IARS1: variants seen among roughly 807,000 people sequenced by gnomAD.
IARS1 encodes the protein isoleucyl-tRNA synthetase 1.
IARS1 carries 124 observed loss-of-function variants against 168.2 expected under a neutral mutation model. That is an observed-to-expected ratio of 0.74 (90% CI 0.64 to 0.86). The LOEUF (loss-of-function observed/expected upper bound fraction) is 0.86. Among genes scored for constraint, IARS1 ranks in the 40% least tolerant of loss-of-function variants. The probability of loss-of-function intolerance (pLI) is 0.00; values close to 1 mark genes in which losing one functional copy is unlikely to be tolerated. For missense variants in IARS1, 1,452 were observed against 1,515.8 expected (o/e 0.96, Z 0.70); for synonymous variants, 532 against 529.4 (o/e 1.00, Z -0.07).
intron 31 of IARS1, among the ~76,000 whole-genome samples, chr9:92,228,462 G>A (rs77241686): frequency 0.031 from 4,663 of 152,146 alleles, 109 homozygotes; most frequent in South Asian, 0.079. Flanking sequence ...CTGGAATCTC[G>A]GCACTTTGGG....
intron 6 of IARS1, among the ~76,000 whole-genome samples, chr9:92,282,407 T>C (rs548055199): frequency 2.0e-5 from 3 of 152,028 alleles, no homozygotes; most frequent in Admixed American, 1.3e-4. Context: ...GGTTCAAGCA[T>C]TCTCCTGCCT....
chr9:92,234,408 A>G (rs1340731810), intron 30 of IARS1, among the ~76,000 whole-genome samples: 1 of 152,250 alleles, frequency 6.6e-6, no homozygotes, highest in East Asian at 1.9e-4. Flanking sequence ...CAGACGACCA[A>G]GCTGTGGCTG....
intron 26 of IARS1, 134 bp from the exon 27 acceptor site, chr9:92,245,205 T>C: frequency 1.5e-6 from 1 of 685,560 alleles, no homozygotes; most frequent in Non-Finnish European, 2.6e-6. Flanking sequence ...ATCATTTCCC[T>C]CTGACTCATG....
intron 7 of IARS1, 111 bp downstream of exon 7, chr9:92,280,635 G>C (rs3736835): frequency 0.59 from 352,245 of 596,090 alleles, 108,559 homozygotes; most frequent in African/African-American, 0.91. Context: ...AAGTCAGATT[G>C]TTTTCAAATA....
intron 6 of IARS1, 78 bp from the exon 7 acceptor site, chr9:92,280,971 G>C: frequency 1.1e-6 from 1 of 935,986 alleles, no homozygotes; most frequent in Non-Finnish European, 1.6e-6. Flanking sequence ...TACTCCTAAA[G>C]AGGAATAAAA....
At chr9:92,227,495 C>T (rs1251592380) in intron 31 of IARS1, among the ~76,000 whole-genome samples, 6 of 149,254 alleles carry the variant, frequency 4.0e-5, no homozygotes, top group African/African-American at 1.5e-4. Context: ...CTCCTCACTT[C>T]CCAGTAGGGG....
chr9:92,285,855 G>C lies in IARS1; in HGVS notation c.480-16C>G. The C allele has an allele frequency of 7.2e-7, 1 of 1,381,022 alleles. No individual in the cohort carries two copies. Among genetic ancestry groups the C allele is most frequent in the Middle Eastern group, 1.8e-4 (1 of 5,566 alleles). The allele number at this position is 1,381,022 out of a possible 1,614,324, so 85.5% of individuals were successfully genotyped here. On this transcript the variant is annotated splice_polypyrimidine_tract_variant and intron_variant, in intron 5 of 33. Transcript: ENST00000443024. The stretch of plus-strand genomic sequence containing the variant: ...GAAGACCCACCTGGTAAGAGATGGA[G>C]TTTCACAATTACAGAACAAAATTCT...
At chr9:92,217,731 T>G (rs1043091966) in intron 33 of IARS1, among the ~76,000 whole-genome samples, 4 of 152,084 alleles carry the variant, frequency 2.6e-5, no homozygotes, top group Non-Finnish European at 5.9e-5. Flanking sequence ...CAGGAAGAAG[T>G]TGAATCTCTG....
intron 30 of IARS1, among the ~76,000 whole-genome samples, chr9:92,230,198 C>T (rs974075417): frequency 6.6e-6 from 1 of 152,012 alleles, no homozygotes; most frequent in Non-Finnish European, 1.5e-5. Flanking sequence ...GCAACCTCTG[C>T]CTCCTGGATT....
At chr9:92,252,993 G>T (rs1830233370) in intron 21 of IARS1, among the ~76,000 whole-genome samples, 1 of 151,962 alleles carries the variant, frequency 6.6e-6, no homozygotes, top group Non-Finnish European at 1.5e-5. Flanking sequence ...CCTTGTGGTA[G>T]AAGGAAGTAC....
At chr9:92,253,260 G>C (rs1830267734) in intron 21 of IARS1, 102 bp downstream of exon 21, 1 of 738,824 alleles carries the variant, frequency 1.4e-6, no homozygotes, top group Non-Finnish European at 2.4e-6. Context: ...CAAAAACGGA[G>C]AGCAACTGAA....
intron 31 of IARS1, among the ~76,000 whole-genome samples, chr9:92,225,997 T>C (rs1244020182): frequency 6.6e-6 from 1 of 152,236 alleles, no homozygotes; most frequent in Admixed American, 6.5e-5. Flanking sequence ...GCAAGGCACC[T>C]GTCAGTGTGG....
intron 11 of IARS1, 143 bp from the exon 12 acceptor site, chr9:92,271,219 A>G: frequency 1.7e-6 from 1 of 605,782 alleles, no homozygotes; most frequent in Non-Finnish European, 2.7e-6. Flanking sequence ...AACTTTAAGT[A>G]ATTTTCAAGT....
rs555318265 is a variant in IARS1 at position 92,251,601 on chromosome 9, G to T, written c.2307+207C>A. 3.3e-5 allele frequency among the ~76,000 whole-genome samples: 5 copies of T among 152,306 alleles called. No individual in the cohort carries two copies. The South Asian group carries it at 8.3e-4, about 25-fold the overall frequency. On this transcript the variant is annotated intron_variant, in intron 22 of 33. Transcript: ENST00000443024. ...TTGTACTGCCAGAGACTGTAAGAAA[G>T]AATCTAGTATTTCTTAGTCCTTACT... is the stretch of plus-strand genomic sequence containing the variant.
intron 30 of IARS1, among the ~76,000 whole-genome samples, chr9:92,231,414 CTTTTTTT>C (rs869062848): frequency 5.9e-5 from 8 of 135,120 alleles, no homozygotes; most frequent in East Asian, 2.1e-4. Context: ...TTATTTTTTT[CTTTTTTT>C]TTTTTTTTTG....
At chr9:92,220,064 T>A (rs1396762051) in intron 33 of IARS1, among the ~76,000 whole-genome samples, 1 of 146,054 alleles carries the variant, frequency 6.8e-6, no homozygotes, top group African/African-American at 2.6e-5. Flanking sequence ...GTGGCACATA[T>A]ACAACATGGA....
chr9:92,234,107 T>G (rs1439811627), intron 30 of IARS1, among the ~76,000 whole-genome samples: 2 of 152,206 alleles, frequency 1.3e-5, no homozygotes, highest in Non-Finnish European at 2.9e-5. Context: ...ATTTTTAATT[T>G]CATTGCCCAC....
chr9:92,261,930 G>A (rs1472891146), intron 17 of IARS1, among the ~76,000 whole-genome samples: 1 of 151,984 alleles, frequency 6.6e-6, no homozygotes, highest in African/African-American at 2.4e-5. Context: ...TGTATTTTTA[G>A]TAGAGACGGG....
intron 1 of IARS1, 35 bp downstream of exon 1, chr9:92,293,576 T>C (rs2134038872): frequency 4.5e-6 from 2 of 444,364 alleles, no homozygotes; most frequent in African/African-American, 4.1e-5. Flanking sequence ...CCCTCGTCTT[T>C]GAGGGCCGGA....
Sources: gnomAD v4.1 joint callset for allele counts (sites outside exome capture counted in the v4.1 genomes callset) on GRCh38, gnomAD v4.1.1 for gene constraint, MANE v1.5 for transcripts, NCBI Gene and HGNC (gene_info 2026-07-23, HGNC 2026-07-21) for gene names.